The following CARD9 variants were observed in gnomAD, a reference collection of about 807,000 sequenced individuals.
CARD9 encodes the protein caspase recruitment domain family member 9.
CARD9 carries 53 observed loss-of-function variants against 66.0 expected under a neutral mutation model. The ratio of observed to expected loss-of-function variants is 0.80; its 90% CI spans 0.64 to 1.01. The LOEUF is 1.01. CARD9 is among the 50% of genes least tolerant of loss of function. The pLI, the probability that CARD9 is intolerant of heterozygous loss-of-function variation, is 0.00. For synonymous variants in CARD9, 387 were observed against 313.8 expected (o/e 1.23, Z -2.47); for missense variants, 769 against 743.2 (o/e 1.03, Z -0.40).
chr9:136,365,883 CA>C (rs1332250980), intron 10 of CARD9: 1 of 153,092 alleles, frequency 6.5e-6, no homozygotes, highest in Non-Finnish European at 1.5e-5. Flanking sequence ...CACAGCCACC[CA>C]GGGGGATGGG....
In CARD9 at chr9:136,364,559, C is replaced by T. The variant is rs909815670; in HGVS notation, c.1435G>A (p.Asp479Asn). The change falls in exon 12 of 13, where the codon GAC (aspartate) becomes AAC (asparagine). Residue 479 changes from aspartate (D) to asparagine (N), a missense_variant and splice_region_variant. Asp to Asn is a conservative substitution (Grantham distance 23, BLOSUM62 1). Transcript: ENST00000371732. ...HQEQVLRNPH[D>N]AGLSSGEPPE... ...GGCTCCCCGCTGCTCAGGCCTGCGT[C>T]CTGGAGAAGGGGGAAGGCTCGGGCT... is the stretch of plus-strand genomic sequence containing the variant. The T allele has an allele frequency of 6.5e-6, 10 of 1,537,782 alleles. No homozygotes were observed. Among genetic ancestry groups the T allele is most frequent in the Admixed American group, 5.9e-5 (3 of 50,902 alleles).
intron 11 of CARD9, 83 bp from the exon 12 acceptor site, chr9:136,364,642 A>G: frequency 7.3e-7 from 1 of 1,366,228 alleles, no homozygotes; most frequent in South Asian, 1.3e-5. Context: ...TGGCCCCTGT[A>G]ACTGCAGACT....
chr9:136,366,634 A>G (rs10781496), intron 10 of CARD9, 166 bp downstream of exon 10: 310,975 of 737,666 alleles, frequency 0.42, 67,295 homozygotes, highest in Admixed American at 0.51. Context: ...TTTGTTCTCT[A>G]GGTGACCTTG....
At chr9:136,372,140 C>G (rs1833292504) in intron 1 of CARD9, 46 bp from the exon 2 acceptor site, 1 of 1,597,676 alleles carries the variant, frequency 6.3e-7, no homozygotes, top group Non-Finnish European at 8.5e-7. Flanking sequence ...GCTCCTGCCC[C>G]CACCCGGGCC....
intron 8 of CARD9, 23 bp from the exon 9 acceptor site, chr9:136,367,280 G>C (rs1447304071): frequency 1.2e-6 from 2 of 1,611,898 alleles, no homozygotes; most frequent in Admixed American, 1.7e-5. Context: ...AAAATGGGGT[G>C]GGTGGGCTGT....
Position 136,371,556 on chromosome 9 carries a change from A to C in CARD9, c.185-95T>G, listed in dbSNP as rs1833275917. 3 of 1,502,130 alleles carry C rather than the reference A, an allele frequency of 2.0e-6. No individual in the cohort carries two copies. The African/African-American group carries it at 4.1e-5, about 21-fold the overall frequency. 93.1% of individuals were successfully genotyped at this position (1,502,130 alleles called of 1,614,324 possible). ...GGGGCAGGGACAGGTGGAGGCTGGC[A>C]TGCAGATGAGGTGTGCCGTGGTCTG... On this transcript the variant is annotated intron_variant, in intron 2 of 12. Transcript: ENST00000371732.
chr9:136,373,433 G>A, intron 1 of CARD9, 99 bp downstream of exon 1: 1 of 940,272 alleles, frequency 1.1e-6, no homozygotes, highest in East Asian at 1.2e-4. Context: ...GCTGCCTGTG[G>A]GAAGCCTCAG....
chr9:136,371,835 C>T (rs1833282895), intron 2 of CARD9, 60 bp downstream of exon 2: 10 of 1,551,768 alleles, frequency 6.4e-6, no homozygotes, highest in Non-Finnish European at 6.1e-6. Flanking sequence ...AGCGTGCAGC[C>T]ACCTCCGAGC....
At position 136,364,220 on chromosome 9, in the gene CARD9, T is replaced by C; in HGVS notation, c.*82A>G. 1 of 1,550,462 alleles carries C rather than the reference T, an allele frequency of 6.4e-7. No individual in the cohort carries two copies. Among genetic ancestry groups the C allele is most frequent in the South Asian group, 1.2e-5 (1 of 84,056 alleles). On this transcript the variant is annotated 3_prime_UTR_variant, in exon 13 of 13. Coordinates refer to ENST00000371732, the MANE Select transcript of CARD9 (RefSeq NM_052813.5). ...AAGTCAGCGACGGCTCGGGGAAGTCTGCGCCCCAGGGCGTCGGCACCCCCG... is the reference window on the plus strand; with the variant it reads ...AAGTCAGCGACGGCTCGGGGAAGTCCGCGCCCCAGGGCGTCGGCACCCCCG...
At chr9:136,370,106 T>C in intron 6 of CARD9, 188 bp downstream of exon 6, 2 of 1,403,762 alleles carry the variant, frequency 1.4e-6, no homozygotes, top group Non-Finnish European at 9.5e-7. Context: ...AGCCCAGAGG[T>C]TGGCCTTTGC....
chr9:136,371,912 A>G lies in CARD9; in HGVS notation c.167T>C (p.Ile56Thr). ...EQVLSDPNLV[I>T]RKRKVGVLLD... ...ACACTGACCCACTTTCCGTTTGCGG[A>G]TGACCAGGTTGGGGTCGCTGAGCAC... The change falls in exon 2 of 13, where the codon ATC becomes ACC. Residue 56 changes from isoleucine to threonine, a missense_variant. Transcript: ENST00000371732. 2 of 1,604,156 alleles carry G rather than the reference A, an allele frequency of 1.2e-6. No homozygotes were observed. The highest frequency in any genetic ancestry group is 1.7e-6 in the Non-Finnish European group (2 of 1,172,952).
At chr9:136,368,680 C>T (rs773830551) in intron 7 of CARD9, among the ~76,000 whole-genome samples, 7 of 152,232 alleles carry the variant, frequency 4.6e-5, no homozygotes, top group East Asian at 1.9e-4. Context: ...ACGCTCCATC[C>T]GGCTCACAGC....
chr9:136,368,682 G>A (rs968792091), intron 7 of CARD9, among the ~76,000 whole-genome samples: 4 of 152,340 alleles, frequency 2.6e-5, no homozygotes, highest in African/African-American at 7.2e-5. Context: ...GCTCCATCCG[G>A]CTCACAGCAC....
At chr9:136,366,399 G>A (rs1039291315) in intron 10 of CARD9, 11 of 233,960 alleles carry the variant, frequency 4.7e-5, no homozygotes, top group African/African-American at 1.4e-4. Context: ...CTGGTCGTTC[G>A]CTCGTTACCA....
rs144348041 is a variant in CARD9 at position 136,365,202 on chromosome 9, C to T, written c.1373G>A (p.Gly458Glu). Residue 458 changes from glycine to glutamate, a missense_variant, in exon 11 of 13, where the codon GGG (glycine) becomes GAG (glutamate). Coordinates refer to ENST00000371732, the MANE Select transcript of CARD9 (RefSeq NM_052813.5). ...QLSDKGCLAG[G>E]GSPKQPFAAL... ...TGCAAAGGGCTGTTTCGGGCTCCCC[C>T]CGCCGGCAAGGCAGCCTGGAAAGGA... 8 of 1,609,666 alleles carry T rather than the reference C, an allele frequency of 5.0e-6. No individual in the cohort carries two copies. The highest frequency in any genetic ancestry group is 3.3e-5 in the South Asian group (3 of 91,080).
intron 2 of CARD9, 65 bp from the exon 3 acceptor site, chr9:136,371,526 G>GGGGC: frequency 7.8e-6 from 4 of 516,026 alleles, no homozygotes; most frequent in Non-Finnish European, 1.5e-5. Flanking sequence ...GGGTGGGTGG[G>GGGGC]CCTGGGGGCA....
chr9:136,365,526 C>T (rs1342990314), intron 10 of CARD9: 1 of 504,492 alleles, frequency 2.0e-6, no homozygotes, highest in African/African-American at 1.9e-5. Context: ...GGAACTTAAA[C>T]CCTGGGCCTG....
Position 136,363,998 on chromosome 9 carries a change from A to G in CARD9, c.*304T>C, listed in dbSNP as rs1339244799. ...GTTTATTTACGCAGCTGTGTTTTCT[A>G]ACACTAATACAATGCATGCATGTAT... On this transcript the variant is annotated 3_prime_UTR_variant, in exon 13 of 13. Coordinates refer to ENST00000371732, the MANE Select transcript of CARD9 (RefSeq NM_052813.5). 3 of 1,279,574 alleles carry G rather than the reference A, an allele frequency of 2.3e-6. No individual in the cohort carries two copies. Among genetic ancestry groups the G allele is most frequent in the South Asian group, 2.5e-5 (2 of 78,470 alleles). 79.3% of individuals were successfully genotyped at this position (1,279,574 alleles called of 1,614,324 possible). A position where few individuals can be genotyped will look rare whatever the true frequency, so the allele number is the denominator to read the frequency against.
At position 136,364,478 on chromosome 9, in the gene CARD9, C is replaced by T. The variant is rs761314867; in HGVS notation, c.1511+5G>A. The T allele has an allele frequency of 6.5e-7, 1 of 1,540,226 alleles. No individual in the cohort carries two copies. Among genetic ancestry groups the T allele is most frequent in the South Asian group, 1.2e-5 (1 of 84,058 alleles). On this transcript the variant is annotated splice_donor_5th_base_variant and intron_variant, in intron 12 of 12. Coordinates refer to ENST00000371732, the MANE Select transcript of CARD9 (RefSeq NM_052813.5). ...TTTGGAGAAGCCTGGGGGCCGCCCG[C>T]CTACCTGCGGTAGTTCTCAAAACTC...
Sources: allele counts gnomAD v4.1 joint callset (sites outside exome capture counted in the v4.1 genomes callset), GRCh38; gene constraint gnomAD v4.1.1; transcripts MANE v1.5; gene names NCBI Gene and HGNC (gene_info 2026-07-23, HGNC 2026-07-21).